The following FHIT variants were observed in gnomAD, a reference collection of about 807,000 sequenced individuals.
The protein encoded by FHIT is fragile histidine triad diadenosine triphosphatase.
In FHIT, 19 loss-of-function variants were observed where a neutral mutation model predicts 17.9. The observed-to-expected ratio is 1.06, with a 90% CI of 0.74 to 1.56. FHIT has a LOEUF of 1.56. Among genes scored for constraint, FHIT ranks in the 40% most tolerant of loss-of-function variants. FHIT has a pLI of 0.00. For missense variants in FHIT, 248 were observed against 189.2 expected (o/e 1.31, Z -1.82); for synonymous variants, 81 against 69.7 (o/e 1.16, Z -0.81).
At chr3:59,866,804 C>T (rs926366821) in intron 8 of FHIT, among the ~76,000 whole-genome samples, 3 of 152,076 alleles carry the variant, frequency 2.0e-5, no homozygotes, top group Admixed American at 2.0e-4. Flanking sequence ...TAGCAAAGAG[C>T]AGCACAATAT....
At position 60,819,664 on chromosome 3, in the gene FHIT, T is replaced by C. The variant is rs1553738685; in HGVS notation, c.-18+2255A>G. Among the ~76,000 whole-genome samples, 3 of 152,224 alleles carry C rather than the reference T, an allele frequency of 2.0e-5. No individual in the cohort carries two copies. In the South Asian group the frequency reaches 6.2e-4, roughly 32 times the overall value. On this transcript the variant is annotated intron_variant, in intron 4 of 9. Transcript: ENST00000492590. ...ATACCAGCCACCTTGCTAACCACTT[T>C]ACATTAATTGTCAGTTAATCCTTCA... is the stretch of plus-strand genomic sequence containing the variant.
chr3:60,737,222 C>T (rs782491316), intron 4 of FHIT, among the ~76,000 whole-genome samples: 1 of 152,182 alleles, frequency 6.6e-6, no homozygotes, highest in African/African-American at 2.4e-5. Context: ...TAATAAACTA[C>T]ATTATGAGCC....
At chr3:61,232,306 G>A (rs1384466622) in intron 1 of FHIT, among the ~76,000 whole-genome samples, 1 of 152,242 alleles carries the variant, frequency 6.6e-6, no homozygotes, top group African/African-American at 2.4e-5. Flanking sequence ...AGAATCGCTT[G>A]AACCAGGGAG....
intron 3 of FHIT, among the ~76,000 whole-genome samples, chr3:60,889,303 C>T (rs1404084899): frequency 6.6e-6 from 1 of 152,192 alleles, no homozygotes; most frequent in South Asian, 2.1e-4. Flanking sequence ...GATAAGAACA[C>T]CTTCCCCTCC....
At chr3:60,114,431 A>G (rs1189592255) in intron 5 of FHIT, among the ~76,000 whole-genome samples, 1 of 149,602 alleles carries the variant, frequency 6.7e-6, no homozygotes, top group African/African-American at 2.5e-5. Context: ...ACAGGCAATT[A>G]ATTGTACACA....
intron 7 of FHIT, among the ~76,000 whole-genome samples, chr3:59,953,365 G>A (rs1294933619): frequency 6.6e-6 from 1 of 151,940 alleles, no homozygotes; most frequent in South Asian, 2.1e-4. Flanking sequence ...CTCCTCCAGT[G>A]AGTGTCTCCC....
intron 4 of FHIT, among the ~76,000 whole-genome samples, chr3:60,744,271 A>AAAAAAAAAAAAAAAAAAAAAAAC (rs2042309303): frequency 1.9e-4 from 10 of 52,138 alleles, no homozygotes; most frequent in East Asian, 1.0e-3. Context: ...AACAAAACAA[A>AAAAAAAAAAAAAAAAAAAAAAAC]AAAAAAAAAA....
At chr3:60,781,549 A>G (rs782736170) in intron 4 of FHIT, among the ~76,000 whole-genome samples, 27 of 152,332 alleles carry the variant, frequency 1.8e-4, no homozygotes, top group Non-Finnish European at 2.8e-4. Context: ...GCAGTTCTTC[A>G]CTATTTTTCA....
intron 8 of FHIT, among the ~76,000 whole-genome samples, chr3:59,774,825 C>T (rs79360103): frequency 3.3e-5 from 5 of 152,234 alleles, no homozygotes; most frequent in South Asian, 2.1e-4. Flanking sequence ...TAAGGCTCCA[C>T]GGCCAGAAAG....
At chr3:61,030,521 T>C (rs1325377019) in intron 3 of FHIT, among the ~76,000 whole-genome samples, 8 of 152,368 alleles carry the variant, frequency 5.3e-5, no homozygotes, top group Middle Eastern at 3.4e-3. Flanking sequence ...ATGTCTGCCA[T>C]ATACATTTTA....
chr3:60,744,934 A>C (rs186305068), intron 4 of FHIT, among the ~76,000 whole-genome samples: 1 of 152,286 alleles, frequency 6.6e-6, no homozygotes, highest in East Asian at 1.9e-4. Context: ...GAGTCAAAAC[A>C]ACCATAGTCC....
At chr3:59,889,556 A>C (rs1179274600) in intron 8 of FHIT, among the ~76,000 whole-genome samples, 5 of 152,188 alleles carry the variant, frequency 3.3e-5, no homozygotes, top group Non-Finnish European at 5.9e-5. Context: ...CTTGAGAAAA[A>C]CTTACCCTCC....
chr3:60,184,068 G>C (rs1468410569), intron 5 of FHIT, among the ~76,000 whole-genome samples: 1 of 151,414 alleles, frequency 6.6e-6, no homozygotes, highest in Non-Finnish European at 1.5e-5. Flanking sequence ...GCTCACTGCA[G>C]CCTCAAACTC....
At chr3:60,752,304 A>G (rs1553717046) in intron 4 of FHIT, among the ~76,000 whole-genome samples, 1 of 152,236 alleles carries the variant, frequency 6.6e-6, no homozygotes, top group African/African-American at 2.4e-5. Context: ...ATTACACAAC[A>G]TACTTTGCTT....
intron 5 of FHIT, among the ~76,000 whole-genome samples, chr3:60,035,502 G>A (rs933377357): frequency 6.6e-6 from 1 of 152,176 alleles, no homozygotes; most frequent in East Asian, 1.9e-4. Context: ...TTACAGGCGT[G>A]AGCCACCACA....
At chr3:59,959,395 G>A (rs1707559164) in intron 7 of FHIT, among the ~76,000 whole-genome samples, 1 of 152,170 alleles carries the variant, frequency 6.6e-6, no homozygotes, top group African/African-American at 2.4e-5. Flanking sequence ...AGGAAAATGA[G>A]GTTCAGGGAG....
chr3:60,411,710 GGTT>G lies in FHIT; in HGVS notation c.103+125147_103+125149del, dbSNP rs1463209084. On this transcript the variant is annotated intron_variant, in intron 5 of 9. Transcript: ENST00000492590. The stretch of plus-strand genomic sequence containing the variant: ...TAGGTCACAAAAAAGTGTGCCAGAT[GGTT>G]GTTAACAAAAAAGAAAATGCTTTCA... Among the ~76,000 whole-genome samples, 178 of 152,248 alleles carry G rather than the reference GGTT, an allele frequency of 1.2e-3. 3 individuals are homozygous for G. Among genetic ancestry groups the G allele is most frequent in the Non-Finnish European group, 1.5e-5 (1 of 68,022 alleles).
intron 7 of FHIT, among the ~76,000 whole-genome samples, chr3:59,928,542 G>A (rs1705786112): frequency 6.6e-6 from 1 of 152,162 alleles, no homozygotes; most frequent in African/African-American, 2.4e-5. Context: ...TTACAACTAA[G>A]TAATAAAAAG....
chr3:60,737,694 G>A (rs1185364669), intron 4 of FHIT, among the ~76,000 whole-genome samples: 2 of 152,156 alleles, frequency 1.3e-5, no homozygotes, highest in Non-Finnish European at 2.9e-5. Flanking sequence ...AGGAACCAGG[G>A]TGGCTTTTCA....
Sources: allele counts gnomAD v4.1 joint callset (sites outside exome capture counted in the v4.1 genomes callset), GRCh38; gene constraint gnomAD v4.1.1; transcripts MANE v1.5; gene names NCBI Gene and HGNC (gene_info 2026-07-23, HGNC 2026-07-21).